The following BEST3 variants were observed in gnomAD, a reference collection of about 807,000 sequenced individuals.
The protein encoded by BEST3 is bestrophin-3.
Under a neutral mutation model 47.1 loss-of-function variants are expected in BEST3, and 50 were observed. The ratio of observed to expected loss-of-function variants is 1.06; its 90% CI spans 0.85 to 1.34. BEST3 has a LOEUF of 1.34. Among genes scored for constraint, BEST3 ranks in the 40% most tolerant of loss-of-function variants. BEST3 has a pLI of 0.00. For missense variants in BEST3, 765 were observed against 817.0 expected (o/e 0.94, Z 0.78); for synonymous variants, 282 against 298.8 (o/e 0.94, Z 0.58).
chr12:69,649,076 C>A (rs1437227996), downstream of BEST3, among the ~76,000 whole-genome samples: 1 of 152,336 alleles, frequency 6.6e-6, no homozygotes, highest in African/African-American at 2.4e-5. Flanking sequence ...TTCACTGCAA[C>A]CTCTGCCTCC....
chr12:69,653,681 G>GCAGT lies in BEST3; in HGVS notation c.*1222_*1225dup. 2 of 985,392 alleles carry GCAGT rather than the reference G, an allele frequency of 2.0e-6. No individual in the cohort carries two copies. Among genetic ancestry groups the GCAGT allele is most frequent in the African/African-American group, 3.5e-5 (2 of 57,328 alleles). 61.0% of individuals were successfully genotyped at this position (985,392 alleles called of 1,614,324 possible). ...CATCATATGACAAATGGTAAGTGCA[G>GCAGT]CAGTCGTAAGGCATGGCCTAGGCAC... On this transcript the variant is annotated 3_prime_UTR_variant, in exon 10 of 10. Transcript: ENST00000330891.
chr12:69,689,323 A>C, intron 4 of BEST3: 2 of 947,262 alleles, frequency 2.1e-6, no homozygotes, highest in East Asian at 1.2e-4. Context: ...TGCCGGTGAC[A>C]GCGGGTGCCG....
intron 8 of BEST3, among the ~76,000 whole-genome samples, chr12:69,672,672 T>G (rs1808343568): frequency 6.6e-6 from 1 of 152,104 alleles, no homozygotes; most frequent in South Asian, 2.1e-4. Context: ...GGCTTGAAAT[T>G]CTACTTAAAA....
rs757431689 is a variant in BEST3 at position 69,655,327 on chromosome 12, A to C, written c.1587T>G (p.Ser529=). Residue 529 remains serine, a synonymous_variant, in exon 10 of 10, where the codon TCT becomes TCG. Transcript: ENST00000330891. Reference sequence around the variant, plus strand: ...TGCTTGGCTGAACCCCTGTAAACTCAGAGCTCAAGATGGAGGTAGCGGAAT... The same window carrying C: ...TGCTTGGCTGAACCCCTGTAAACTCCGAGCTCAAGATGGAGGTAGCGGAAT... ...HHDSATSILS[S]EFTGVQPSKT... 6.2e-7 allele frequency: 1 copy of C among 1,614,102 alleles called. No individual in the cohort carries two copies. Among genetic ancestry groups the C allele is most frequent in the Non-Finnish European group, 8.5e-7 (1 of 1,180,012 alleles).
intron 9 of BEST3, 39 bp from the exon 10 acceptor site, chr12:69,655,852 C>T (rs1565821594): frequency 1.7e-5 from 26 of 1,548,516 alleles, no homozygotes; most frequent in East Asian, 2.3e-5. Flanking sequence ...AGAGTAGCTT[C>T]GGGGGCCTAG....
chr12:69,664,694 A>G (rs115978948), intron 9 of BEST3, among the ~76,000 whole-genome samples: 15,378 of 147,242 alleles, frequency 0.1, 915 homozygotes, highest in East Asian at 0.23. Context: ...TATTATATTT[A>G]TATATTATAT....
chr12:69,689,913 T>C (rs184962587), intron 4 of BEST3, among the ~76,000 whole-genome samples: 138 of 152,236 alleles, frequency 9.1e-4, no homozygotes, highest in Admixed American at 1.7e-3. Context: ...CAGTAATGAG[T>C]TGGTGGTTGC....
downstream of BEST3, among the ~76,000 whole-genome samples, chr12:69,651,767 C>T (rs1883216089): frequency 7.8e-6 from 1 of 127,666 alleles, no homozygotes; most frequent in Non-Finnish European, 1.6e-5. Flanking sequence ...CAAAGTGAGA[C>T]TCTGTCTCAA....
chr12:69,659,569 T>C (rs1345354629), intron 9 of BEST3, among the ~76,000 whole-genome samples: 1 of 152,128 alleles, frequency 6.6e-6, no homozygotes, highest in African/African-American at 2.4e-5. Context: ...CCCAGGCTGG[T>C]CTTGAACTCC....
intron 9 of BEST3, among the ~76,000 whole-genome samples, chr12:69,646,801 T>G (rs1350526446): frequency 6.6e-6 from 1 of 152,234 alleles, no homozygotes; most frequent in African/African-American, 2.4e-5. Flanking sequence ...AAAAAATGAC[T>G]GATTGAAAGT....
chr12:69,667,698 T>C (rs1884313499), intron 9 of BEST3, among the ~76,000 whole-genome samples: 1 of 152,208 alleles, frequency 6.6e-6, no homozygotes, highest in South Asian at 2.1e-4. Flanking sequence ...TGTGTTCCCA[T>C]AAGGCTGAGC....
downstream of BEST3, among the ~76,000 whole-genome samples, chr12:69,650,779 C>A (rs1565817419): frequency 6.6e-6 from 1 of 152,016 alleles, no homozygotes; most frequent in Non-Finnish European, 1.5e-5. Flanking sequence ...AGGAGGAATT[C>A]ATTGCCATGG....
chr12:69,669,817 A>C (rs915283713), intron 9 of BEST3: 1 of 152,252 alleles, frequency 6.6e-6, no homozygotes, highest in Non-Finnish European at 1.5e-5. Context: ...ATGAACATTT[A>C]TGTAGTAATC....
At chr12:69,662,492 C>A (rs1883931501) in intron 9 of BEST3, among the ~76,000 whole-genome samples, 1 of 152,122 alleles carries the variant, frequency 6.6e-6, no homozygotes, top group African/African-American at 2.4e-5. Context: ...ATATTTCTGA[C>A]CTACTGTATA....
intron 4 of BEST3, chr12:69,684,464 G>T (rs1592364574): frequency 1.9e-6 from 1 of 535,108 alleles, no homozygotes; most frequent in African/African-American, 1.9e-5. Flanking sequence ...CTGCTGTACA[G>T]TTGCTCTATT....
intron 4 of BEST3, among the ~76,000 whole-genome samples, chr12:69,679,512 G>A (rs749159150): frequency 4.6e-5 from 7 of 152,162 alleles, no homozygotes; most frequent in Non-Finnish European, 8.8e-5. Flanking sequence ...CTTTTGAAGG[G>A]CAAAGAGTAT....
At chr12:69,683,733 G>A (rs1297578182) in intron 4 of BEST3, 1 of 152,202 alleles carries the variant, frequency 6.6e-6, no homozygotes, top group Non-Finnish European at 1.5e-5. Flanking sequence ...TTGGGCACAC[G>A]TCATCAGGAC....
chr12:69,676,831 A>T lies in BEST3; in HGVS notation c.867+85T>A, dbSNP rs1884951320. ...TCTACCTTTGACTCACTCATGAATG[A>T]TTTGCTAAAGACTCAGTAAAGGATT... On this transcript the variant is annotated intron_variant, in intron 7 of 9. Coordinates refer to ENST00000330891, the MANE Select transcript of BEST3 (RefSeq NM_032735.3). The T allele has an allele frequency of 4.3e-6, 6 of 1,398,976 alleles. No homozygotes were observed. In the Admixed American group the frequency reaches 1.0e-4, roughly 24 times the overall value. 86.7% of individuals were successfully genotyped at this position (1,398,976 alleles called of 1,614,324 possible).
chr12:69,652,303 T>C (rs1215618801), downstream of BEST3, among the ~76,000 whole-genome samples: 2 of 152,176 alleles, frequency 1.3e-5, no homozygotes, highest in African/African-American at 2.4e-5. Context: ...CATGTGACCA[T>C]TCATCCAGGT....
Sources: allele counts gnomAD v4.1 joint callset (sites outside exome capture counted in the v4.1 genomes callset), GRCh38; gene constraint gnomAD v4.1.1; transcripts MANE v1.5; gene names NCBI Gene and HGNC (gene_info 2026-07-23, HGNC 2026-07-21).